Variants in AK8 observed in about 807,000 individuals in gnomAD.
The protein encoded by AK8 is ATP-AMP transphosphorylase 8.
In AK8, 44 loss-of-function variants were observed where a neutral mutation model predicts 54.6. That is an observed-to-expected ratio of 0.81 (90% CI 0.63 to 1.04). The LOEUF (loss-of-function observed/expected upper bound fraction) is 1.04, where lower values mean the gene tolerates loss of function less well. AK8 is among the 50% of genes least tolerant of loss of function. The pLI, the probability that AK8 is intolerant of heterozygous loss-of-function variation, is 0.00. For synonymous variants in AK8, 239 were observed against 245.6 expected (o/e 0.97, Z 0.25); for missense variants, 555 against 613.6 (o/e 0.90, Z 1.01).
intron 5 of AK8, among the ~76,000 whole-genome samples, chr9:132,847,603 A>G (rs1842798763): frequency 6.6e-6 from 1 of 152,174 alleles, no homozygotes; most frequent in Non-Finnish European, 1.5e-5. Flanking sequence ...GGTACAATTA[A>G]GCCAAAGGAG....
At position 132,781,662 on chromosome 9, in the gene AK8, C is replaced by T. The variant is rs1239342907; in HGVS notation, c.1121+10972G>A. On this transcript the variant is annotated intron_variant, in intron 11 of 12. Transcript: ENST00000298545. This position sits in a 1 kb window ranked among gnomAD's most constrained non-coding sequence, Gnocchi z 4.6. ...ATATCTGAATTATAGATTTCTGTAT[C>T]GTATTCCCAGATTGATTTCTAGGCT... is the stretch of plus-strand genomic sequence containing the variant. 6.6e-6 allele frequency among the ~76,000 whole-genome samples: 1 copy of T among 152,068 alleles called. No homozygotes were observed.
At chr9:132,810,819 T>C (rs1840969634) in intron 10 of AK8, among the ~76,000 whole-genome samples, 1 of 152,104 alleles carries the variant, frequency 6.6e-6, no homozygotes, top group South Asian at 2.1e-4. Context: ...TCCAAGCAAT[T>C]GCTAAAACTA....
chr9:132,847,800 G>A (rs1468263515), intron 5 of AK8, among the ~76,000 whole-genome samples: 3 of 152,104 alleles, frequency 2.0e-5, no homozygotes, highest in Admixed American at 6.5e-5. Flanking sequence ...GGGCAACATG[G>A]TGAGACCTTG....
intron 2 of AK8, among the ~76,000 whole-genome samples, chr9:132,869,252 T>C (rs1223218092): frequency 1.3e-5 from 2 of 152,228 alleles, no homozygotes; most frequent in Non-Finnish European, 2.9e-5. Flanking sequence ...ATAAGAGTCC[T>C]GCACAGGCTG....
intron 10 of AK8, among the ~76,000 whole-genome samples, chr9:132,804,082 G>A (rs1208967624): frequency 6.7e-6 from 1 of 148,160 alleles, no homozygotes; most frequent in Non-Finnish European, 1.5e-5. Flanking sequence ...ATCCAGCCTG[G>A]GGACAGAGTG....
intron 9 of AK8, among the ~76,000 whole-genome samples, chr9:132,822,458 T>C (rs1015544269): frequency 2.6e-5 from 4 of 151,270 alleles, no homozygotes; most frequent in South Asian, 2.1e-4. Context: ...GTTGTATGCA[T>C]ATGCATATAT....
intron 9 of AK8, among the ~76,000 whole-genome samples, chr9:132,818,191 C>G (rs1456435586): frequency 6.6e-6 from 1 of 152,136 alleles, no homozygotes; most frequent in Non-Finnish European, 1.5e-5. Context: ...GTCACCAGCA[C>G]ACTTTCACTA....
Position 132,875,211 on chromosome 9 carries a change from G to C in AK8, c.85-12C>G, listed in dbSNP as rs567054980. On this transcript the variant is annotated splice_polypyrimidine_tract_variant and intron_variant, in intron 1 of 12. Transcript: ENST00000298545. ...TGCTCCAGCATGTTCTGTGGGTGCA[G>C]GGCAGACACCCAGGTGGTTAATACC... The C allele has an allele frequency of 5.3e-5, 86 of 1,613,902 alleles. 1 individual carries two copies. In the South Asian group the frequency reaches 9.0e-4, roughly 17 times the overall value.
At chr9:132,824,680 C>G (rs1409359967) in intron 8 of AK8, among the ~76,000 whole-genome samples, 1 of 152,154 alleles carries the variant, frequency 6.6e-6, no homozygotes, top group Non-Finnish European at 1.5e-5. Flanking sequence ...AAACTGCCCC[C>G]GATTGTGAAC....
At chr9:132,731,971 CA>C (rs1564370680) in intron 11 of AK8, among the ~76,000 whole-genome samples, 2 of 152,212 alleles carry the variant, frequency 1.3e-5, no homozygotes, top group Non-Finnish European at 2.9e-5. Flanking sequence ...TAGTAATATG[CA>C]TTTATATATT....
At chr9:132,808,995 C>T (rs1840862036) in intron 10 of AK8, among the ~76,000 whole-genome samples, 1 of 152,224 alleles carries the variant, frequency 6.6e-6, no homozygotes. Flanking sequence ...CTGGCAGTGA[C>T]ACCTGCAAGC....
chr9:132,823,045 T>C (rs912295745), intron 9 of AK8, among the ~76,000 whole-genome samples, 160 bp downstream of exon 9: 3 of 152,118 alleles, frequency 2.0e-5, no homozygotes, highest in Admixed American at 1.3e-4. Context: ...CCTGCAAAGA[T>C]GGACTAACAG....
At chr9:132,776,720 T>C (rs1394950742) in intron 11 of AK8, among the ~76,000 whole-genome samples, 2 of 152,040 alleles carry the variant, frequency 1.3e-5, no homozygotes, top group Admixed American at 6.5e-5. Flanking sequence ...GATGAAGAGC[T>C]CAGAGTTAGG....
chr9:132,878,228 T>A lies in AK8; in HGVS notation c.28A>T (p.Ile10Phe), dbSNP rs751280848. 9 of 1,451,740 alleles carry A rather than the reference T, an allele frequency of 6.2e-6. No homozygotes were observed. The East Asian group carries it at 2.3e-4, about 37-fold the overall frequency. 89.9% of individuals were successfully genotyped at this position (1,451,740 alleles called of 1,614,324 possible). Residue 10 changes from isoleucine (I) to phenylalanine (F), a missense_variant, in exon 1 of 13, where the codon ATC (isoleucine) becomes TTC (phenylalanine). Transcript: ENST00000298545. This position sits in a 1 kb window ranked among gnomAD's most constrained non-coding sequence, Gnocchi z 4.7. Reference protein sequence around the residue: MDATIAPHRIPPEMPQYGEE... With the variant: MDATIAPHRFPPEMPQYGEE... ...CCGTACTGGGGCATCTCGGGGGGGA[T>A]ACGGTGCGGGGCGATAGTGGCGTCC... is the stretch of plus-strand genomic sequence containing the variant.
At chr9:132,798,498 T>C (rs1840285997) in intron 10 of AK8, among the ~76,000 whole-genome samples, 1 of 152,164 alleles carries the variant, frequency 6.6e-6, no homozygotes. Context: ...TTCAGTGCGG[T>C]CTAAAGTCTT....
intron 6 of AK8, among the ~76,000 whole-genome samples, chr9:132,828,370 A>G (rs1201089278): frequency 4.6e-5 from 7 of 152,220 alleles, no homozygotes; most frequent in Admixed American, 4.6e-4. Flanking sequence ...TGTGCGCACT[A>G]AATGCTTGCA....
chr9:132,768,362 G>GGTTCAAGTGATGCTCCTGC (rs1216280993), intron 11 of AK8, among the ~76,000 whole-genome samples: 1 of 151,976 alleles, frequency 6.6e-6, no homozygotes, highest in Non-Finnish European at 1.5e-5. Flanking sequence ...CCGCCTCCTG[G>GGTTCAAGTGATGCTCCTGC]GTTCAAGTGA....
chr9:132,733,390 G>A lies in AK8; in HGVS notation c.1122-5856C>T, dbSNP rs368187215. ...GCTGTCACGGCGGCTGGCGGCTCTG[G>A]ATGCCGACGCCAGTAGAAAGGAAGC... On this transcript the variant is annotated intron_variant, in intron 11 of 12. Transcript: ENST00000298545. 4.9e-3 allele frequency among the ~76,000 whole-genome samples: 746 copies of A among 152,336 alleles called. 3 individuals are homozygous for A. The highest frequency in any genetic ancestry group is 0.015 in the African/African-American group (614 of 41,578).
At chr9:132,766,482 G>T (rs1005356113) in intron 11 of AK8, among the ~76,000 whole-genome samples, 2 of 152,092 alleles carry the variant, frequency 1.3e-5, no homozygotes, top group African/African-American at 2.4e-5. Flanking sequence ...ACTGGTGAAA[G>T]AAATTAAAGA....
Sources: allele counts gnomAD v4.1 joint callset (sites outside exome capture counted in the v4.1 genomes callset), GRCh38; gene constraint gnomAD v4.1.1; non-coding constraint Gnocchi (gnomAD v3.1); transcripts MANE v1.5; gene names NCBI Gene and HGNC (gene_info 2026-07-23, HGNC 2026-07-21).